Variants in RSPO2 observed in about 807,000 individuals in gnomAD.
RSPO2 encodes R-spondin 2.
RSPO2 carries 14 observed loss-of-function variants against 30.9 expected under a neutral mutation model. That is an observed-to-expected ratio of 0.45 (90% CI 0.30 to 0.71). RSPO2 has a LOEUF of 0.71. Among genes scored for constraint, RSPO2 ranks in the 30% least tolerant of loss-of-function variants. The pLI, the probability that RSPO2 is intolerant of heterozygous loss-of-function variation, is 0.08. For missense variants in RSPO2, 264 were observed against 301.9 expected (o/e 0.87, Z 0.93); for synonymous variants, 107 against 96.4 (o/e 1.11, Z -0.64).
intron 5 of RSPO2, among the ~76,000 whole-genome samples, chr8:107,908,423 TTTAGG>T (rs1159353189): frequency 6.6e-6 from 1 of 152,098 alleles, no homozygotes; most frequent in African/African-American, 2.4e-5. Context: ...TCATAAATAC[TTTAGG>T]TTAATTGTAA....
At chr8:107,951,056 G>T (rs536713588) in intron 5 of RSPO2, among the ~76,000 whole-genome samples, 29,148 of 136,184 alleles carry the variant, frequency 0.21, 4,982 homozygotes, top group African/African-American at 0.46. Flanking sequence ...TTTTTTTGTT[G>T]TTGTTGTTGT....
chr8:107,973,218 C>T (rs947482134), intron 3 of RSPO2, among the ~76,000 whole-genome samples: 1 of 151,230 alleles, frequency 6.6e-6, no homozygotes, highest in South Asian at 2.1e-4. Flanking sequence ...TGCAGTGAGC[C>T]GAGATCACGC....
intron 3 of RSPO2, among the ~76,000 whole-genome samples, chr8:107,978,515 A>G (rs1330995418): frequency 6.6e-6 from 1 of 152,202 alleles, no homozygotes; most frequent in African/African-American, 2.4e-5. Flanking sequence ...CTTACACCTT[A>G]TACAAAAATT....
At chr8:107,930,039 C>A (rs924543712) in intron 5 of RSPO2, among the ~76,000 whole-genome samples, 1 of 152,170 alleles carries the variant, frequency 6.6e-6, no homozygotes, top group Non-Finnish European at 1.5e-5. Flanking sequence ...CCATTAAGAT[C>A]ATTTTATCTA....
intron 3 of RSPO2, among the ~76,000 whole-genome samples, chr8:107,974,330 AAAAAAAAG>A (rs1426515625): frequency 4.6e-5 from 7 of 151,834 alleles, no homozygotes; most frequent in South Asian, 2.1e-4. Context: ...CTACAAAAAA[AAAAAAAAG>A]AAAAAAAGAA....
At chr8:108,016,819 C>T (rs1279108617) in intron 2 of RSPO2, among the ~76,000 whole-genome samples, 6 of 152,038 alleles carry the variant, frequency 3.9e-5, no homozygotes, top group Non-Finnish European at 8.8e-5. Flanking sequence ...AACTCTCTCT[C>T]GCGCTCCTGC....
At chr8:107,996,795 C>T (rs973530289) in intron 2 of RSPO2, 2 of 340,814 alleles carry the variant, frequency 5.9e-6, no homozygotes, top group African/African-American at 2.2e-5. Flanking sequence ...CCACAAAGAT[C>T]TCAGAGTCAA....
Position 108,066,063 on chromosome 8 carries a change from AAAAAG to A in RSPO2, c.94+16477_94+16481del, listed in dbSNP as rs59014762. ...TCAAAAAAAAGAAAAAAAGAAAAAG[AAAAAG>A]AAAAGACAAGAGTGCACAGAAACAG... is the stretch of plus-strand genomic sequence containing the variant. On this transcript the variant is annotated intron_variant, in intron 2 of 5. Coordinates refer to ENST00000276659, the MANE Select transcript of RSPO2 (RefSeq NM_178565.5). Among the ~76,000 whole-genome samples, 396 of 152,270 alleles carry A rather than the reference AAAAAG, an allele frequency of 2.6e-3. 1 individual carries two copies. The highest frequency in any genetic ancestry group is 8.8e-3 in the African/African-American group (367 of 41,568).
chr8:107,998,608 G>A (rs920844253), intron 2 of RSPO2, among the ~76,000 whole-genome samples: 2 of 152,018 alleles, frequency 1.3e-5, no homozygotes, highest in Admixed American at 1.3e-4. Flanking sequence ...GATTAAAAAT[G>A]TTAATAAAGC....
At position 108,057,470 on chromosome 8, in the gene RSPO2, TA is replaced by T. The variant is rs148832735; in HGVS notation, c.94+25074del. 5.3e-5 allele frequency among the ~76,000 whole-genome samples: 8 copies of T among 152,114 alleles called. No homozygotes were observed. In the East Asian group the frequency reaches 1.2e-3, roughly 22 times the overall value. On this transcript the variant is annotated intron_variant, in intron 2 of 5. Coordinates refer to ENST00000276659, the MANE Select transcript of RSPO2 (RefSeq NM_178565.5). ...TTTAAAGAACTACAGTAAGTGGCTA[TA>T]AAAAAAATCAACTATTTATACAAGG... is the stretch of plus-strand genomic sequence containing the variant.
rs187449739 is a variant in RSPO2, at chr8:107,999,188, T to G, written c.95-9944A>C. ...ACTTTGAGAAACTCATATTAATTTA[T>G]CTAACAATATTATTTAAATATTAAT... On this transcript the variant is annotated intron_variant, in intron 2 of 5. Coordinates refer to ENST00000276659, the MANE Select transcript of RSPO2 (RefSeq NM_178565.5). Among the ~76,000 whole-genome samples, 138 of 152,160 alleles carry G rather than the reference T, an allele frequency of 9.1e-4. 1 individual carries two copies. The East Asian group carries it at 0.024, about 27-fold the overall frequency.
intron 2 of RSPO2, among the ~76,000 whole-genome samples, chr8:108,011,367 A>C (rs35118487): frequency 0.081 from 12,336 of 152,076 alleles, 784 homozygotes; most frequent in African/African-American, 0.18. Context: ...TCTTGCAAAA[A>C]AGACAAAAAA....
intron 5 of RSPO2, among the ~76,000 whole-genome samples, chr8:107,929,300 A>T (rs1812478825): frequency 6.6e-6 from 1 of 152,212 alleles, no homozygotes; most frequent in African/African-American, 2.4e-5. Flanking sequence ...GAAAACACCC[A>T]AAGGAAAACA....
At chr8:107,941,221 T>C (rs780839267) in intron 5 of RSPO2, among the ~76,000 whole-genome samples, 8 of 152,126 alleles carry the variant, frequency 5.3e-5, no homozygotes, top group Non-Finnish European at 8.8e-5. Context: ...TCAGTCAGAA[T>C]CCAGAAATGA....
chr8:107,908,379 G>A, intron 5 of RSPO2, among the ~76,000 whole-genome samples: 1 of 152,226 alleles, frequency 6.6e-6, no homozygotes, highest in South Asian at 2.1e-4. Context: ...GCACAAACAA[G>A]AAGAGATAGT....
At chr8:107,931,734 G>A (rs1812559151) in intron 5 of RSPO2, among the ~76,000 whole-genome samples, 1 of 152,060 alleles carries the variant, frequency 6.6e-6, no homozygotes, top group African/African-American at 2.4e-5. Flanking sequence ...TTGTCAAGCA[G>A]AGAAACTTCC....
chr8:108,016,953 G>T (rs1421070901), intron 2 of RSPO2, among the ~76,000 whole-genome samples: 1 of 151,380 alleles, frequency 6.6e-6, no homozygotes, highest in Non-Finnish European at 1.5e-5. Context: ...AAAACCACGA[G>T]CCAATTAAAC....
chr8:107,989,730 T>C (rs562404563), intron 2 of RSPO2, among the ~76,000 whole-genome samples: 13 of 152,258 alleles, frequency 8.5e-5, no homozygotes, highest in African/African-American at 2.9e-4. Flanking sequence ...GAACACCAAG[T>C]CCACAAGGCT....
At chr8:108,026,452 T>C (rs1018235945) in intron 2 of RSPO2, among the ~76,000 whole-genome samples, 18 of 152,210 alleles carry the variant, frequency 1.2e-4, no homozygotes, top group African/African-American at 4.3e-4. Flanking sequence ...TCATTGCGAT[T>C]ATAAATGAGG....
Sources: allele counts gnomAD v4.1 joint callset (sites outside exome capture counted in the v4.1 genomes callset), GRCh38; gene constraint gnomAD v4.1.1; transcripts MANE v1.5; gene names NCBI Gene and HGNC (gene_info 2026-07-23, HGNC 2026-07-21).